Variants in ADCY1 observed in about 807,000 individuals in gnomAD.
ADCY1 encodes the protein adenylate cyclase 1.
In ADCY1, 28 loss-of-function variants were observed where a neutral mutation model predicts 105.4. That is an observed-to-expected ratio of 0.27 (90% confidence interval 0.20 to 0.36). The LOEUF is 0.36. Among genes scored for constraint, ADCY1 ranks in the 10% least tolerant of loss-of-function variants. The pLI is 1.00. For missense variants in ADCY1, 977 were observed against 1,434.2 expected (o/e 0.68, Z 5.15); for synonymous variants, 655 against 623.8 (o/e 1.05, Z -0.75).
intron 4 of ADCY1, among the ~76,000 whole-genome samples, chr7:45,631,490 T>C (rs1317796180): frequency 6.6e-6 from 1 of 152,200 alleles, no homozygotes; most frequent in African/African-American, 2.4e-5. Flanking sequence ...GGAACAAAAG[T>C]TTTCCTTAAA....
intron 12 of ADCY1, among the ~76,000 whole-genome samples, chr7:45,685,386 A>G (rs534924776): frequency 2.1e-4 from 32 of 151,790 alleles, no homozygotes; most frequent in Admixed American, 2.0e-3. Flanking sequence ...GCCAGGAGGA[A>G]CAGGATGGAG....
At chr7:45,654,920 T>G (rs923080549) in intron 5 of ADCY1, among the ~76,000 whole-genome samples, 1 of 152,110 alleles carries the variant, frequency 6.6e-6, no homozygotes, top group African/African-American at 2.4e-5. Flanking sequence ...TTGAGCCACC[T>G]GAGGCTGAAA....
At position 45,720,993 on chromosome 7, in the gene ADCY1, C is replaced by G. The variant is rs781042253; in HGVS notation, c.*6998C>G. On this transcript the variant is annotated 3_prime_UTR_variant, in exon 20 of 20. Transcript: ENST00000297323. ...GCAGGACCAGGGTTCCATTCCTGCT[C>G]TATCCAGTTCCAAGCCCTTGTGTTT... The G allele has an allele frequency of 7.2e-5, 11 of 152,248 alleles. No individual in the cohort carries two copies. The highest frequency in any genetic ancestry group is 1.3e-4 in the Admixed American group (2 of 15,294). 9.4% of individuals were successfully genotyped at this position (152,248 alleles called of 1,614,324 possible).
At chr7:45,707,494 A>G (rs1785143570) in intron 17 of ADCY1, among the ~76,000 whole-genome samples, 1 of 152,194 alleles carries the variant, frequency 6.6e-6, no homozygotes, top group Non-Finnish European at 1.5e-5. Flanking sequence ...AGAGACTGTA[A>G]AAGGATTAGT....
Position 45,721,694 on chromosome 7 carries a change from A to C in ADCY1, c.*7699A>C, listed in dbSNP as rs1470115386. The C allele has an allele frequency of 2.5e-6, 1 of 398,436 alleles. No individual in the cohort carries two copies. The highest frequency in any genetic ancestry group is 2.1e-5 in the African/African-American group (1 of 48,580). 24.7% of individuals were successfully genotyped at this position (398,436 alleles called of 1,614,324 possible). Reference sequence around the variant, plus strand: ...TAAAGGTGGGTCCGGGTGCCTTCCCAGGGGTTAGAGGATGTTCAAAGGGCC... The same window carrying C: ...TAAAGGTGGGTCCGGGTGCCTTCCCCGGGGTTAGAGGATGTTCAAAGGGCC... On this transcript the variant is annotated 3_prime_UTR_variant, in exon 20 of 20. Coordinates refer to ENST00000297323, the MANE Select transcript of ADCY1 (RefSeq NM_021116.4).
At chr7:45,712,250 C>A (rs1194596834) in intron 19 of ADCY1, among the ~76,000 whole-genome samples, 3 of 116,936 alleles carry the variant, frequency 2.6e-5, no homozygotes, top group Non-Finnish European at 3.7e-5. Context: ...TATACTTACA[C>A]CTTTTTTTTT....
intron 1 of ADCY1, among the ~76,000 whole-genome samples, 193 bp from the exon 2 acceptor site, chr7:45,592,566 C>G (rs1424025296): frequency 6.6e-6 from 1 of 152,234 alleles, no homozygotes; most frequent in Non-Finnish European, 1.5e-5. Flanking sequence ...GACATGCTGT[C>G]TCACAGCCGC....
At position 45,685,014 on chromosome 7, in the gene ADCY1, T is replaced by C. The variant is rs769249208; in HGVS notation, c.2019T>C (p.Thr673=). The C allele has an allele frequency of 6.2e-7, 1 of 1,614,258 alleles. No individual in the cohort carries two copies. Among genetic ancestry groups the C allele is most frequent in the Non-Finnish European group, 8.5e-7 (1 of 1,180,030 alleles). The part of the protein sequence containing the change: ...FPGCLTIQIR[T]VLCIFIVVLI... ...GGTGCCTGACGATTCAGATTCGCACTGTCCTGTGTATTTTCATAGTGGTCT... is the reference window on the plus strand; with the variant it reads ...GGTGCCTGACGATTCAGATTCGCACCGTCCTGTGTATTTTCATAGTGGTCT... The change falls in exon 12 of 20, where the codon ACT becomes ACC. Residue 673 remains threonine (T), a synonymous_variant. Transcript: ENST00000297323.
intron 1 of ADCY1, among the ~76,000 whole-genome samples, chr7:45,582,569 CG>C (rs1395899309): frequency 2.1e-4 from 1 of 4,656 alleles, no homozygotes; most frequent in Non-Finnish European, 4.6e-4. Context: ...AGGCACCTGG[CG>C]GGGGGTGGGG....
intron 2 of ADCY1, among the ~76,000 whole-genome samples, chr7:45,603,670 C>T (rs1043507147): frequency 6.6e-6 from 1 of 152,190 alleles, no homozygotes; most frequent in African/African-American, 2.4e-5. Context: ...GAGGATCCCT[C>T]ATGTTCCCTT....
chr7:45,695,277 C>A (rs1023405196), intron 14 of ADCY1, among the ~76,000 whole-genome samples: 1 of 152,184 alleles, frequency 6.6e-6, no homozygotes, highest in Non-Finnish European at 1.5e-5. Context: ...TCCTGTTACT[C>A]CATCTTTTCC....
chr7:45,594,294 T>C (rs1352321020), intron 2 of ADCY1, among the ~76,000 whole-genome samples: 3 of 152,242 alleles, frequency 2.0e-5, no homozygotes, highest in Non-Finnish European at 4.4e-5. Context: ...CTTTCAAGGC[T>C]GAACCCTGAG....
intron 8 of ADCY1, among the ~76,000 whole-genome samples, chr7:45,663,833 AAAAG>A (rs1795195947): frequency 6.6e-6 from 1 of 152,066 alleles, no homozygotes; most frequent in African/African-American, 2.4e-5. Flanking sequence ...AAAAAAAAGA[AAAAG>A]AAAATTATTC....
At chr7:45,692,116 A>G (rs1784796194) in intron 14 of ADCY1, among the ~76,000 whole-genome samples, 1 of 152,196 alleles carries the variant, frequency 6.6e-6, no homozygotes, top group Non-Finnish European at 1.5e-5. Context: ...CCTGCAGCAC[A>G]CTTCTATGGA....
chr7:45,626,487 G>A (rs1794064489), intron 4 of ADCY1, among the ~76,000 whole-genome samples: 1 of 152,186 alleles, frequency 6.6e-6, no homozygotes, highest in Admixed American at 6.5e-5. Context: ...GGCTGACAGT[G>A]CTGGCAGAGG....
chr7:45,658,107 C>T (rs955151849), intron 6 of ADCY1, among the ~76,000 whole-genome samples: 3 of 152,166 alleles, frequency 2.0e-5, no homozygotes, highest in East Asian at 1.9e-4. Flanking sequence ...CTGAGCCTGG[C>T]GCACATCTAC....
intron 14 of ADCY1, among the ~76,000 whole-genome samples, chr7:45,699,035 G>A (rs1395038506): frequency 6.6e-6 from 1 of 152,246 alleles, no homozygotes; most frequent in Non-Finnish European, 1.5e-5. Flanking sequence ...AACTCATGGT[G>A]TGAGGCCTGG....
chr7:45,581,742 G>A (rs1284809796), intron 1 of ADCY1, among the ~76,000 whole-genome samples: 1 of 152,126 alleles, frequency 6.6e-6, no homozygotes, highest in African/African-American at 2.4e-5. Flanking sequence ...GACCTTTCCT[G>A]CTCTCCATTT....
Position 45,693,095 on chromosome 7 carries a change from C to G in ADCY1, c.2454+6422C>G, listed in dbSNP as rs571395029. Among the ~76,000 whole-genome samples, 4 of 152,298 alleles carry G rather than the reference C, an allele frequency of 2.6e-5. No individual in the cohort carries two copies. The South Asian group carries it at 8.3e-4, about 32-fold the overall frequency. ...AATTATAGTTGGAGTTTCCAACATT[C>G]CTTTCGAAAAGCGATAGAATCGCTG... On this transcript the variant is annotated intron_variant, in intron 14 of 19. Coordinates refer to ENST00000297323, the MANE Select transcript of ADCY1 (RefSeq NM_021116.4).
Sources: allele counts gnomAD v4.1 joint callset (sites outside exome capture counted in the v4.1 genomes callset), GRCh38; gene constraint gnomAD v4.1.1; transcripts MANE v1.5; gene names NCBI Gene and HGNC (gene_info 2026-07-23, HGNC 2026-07-21).